Variants in TACC2 observed in about 807,000 individuals in gnomAD.
The protein encoded by TACC2 is transforming acidic coiled-coil-containing protein 2.
A neutral mutation model predicts 227.3 loss-of-function variants in TACC2; 137 were observed. That is an observed-to-expected ratio of 0.60 (90% CI 0.52 to 0.69). The LOEUF is 0.69. TACC2 is among the 30% of genes least tolerant of loss of function. TACC2 has a pLI of 0.00. For missense variants in TACC2, 3,470 were observed against 3,694.4 expected, an observed-to-expected ratio of 0.94 and a Z score of 1.57; for synonymous variants, 1,523 against 1,487.5, an observed-to-expected ratio of 1.02 and a Z score of -0.55.
At chr10:122,128,521 A>C (rs1419988760) in intron 5 of TACC2, among the ~76,000 whole-genome samples, 10 of 152,142 alleles carry the variant, frequency 6.6e-5, no homozygotes, top group African/African-American at 1.7e-4. Context: ...TAATGGACGA[A>C]GCCTGGCCGC....
At chr10:122,198,164 G>A (rs570943948) in intron 8 of TACC2, among the ~76,000 whole-genome samples, 1 of 152,180 alleles carries the variant, frequency 6.6e-6, no homozygotes, top group Admixed American at 6.5e-5. Context: ...AGCGTGTCTG[G>A]GCTCCCTGGG....
At chr10:122,165,816 G>A (rs994746325) in intron 7 of TACC2, among the ~76,000 whole-genome samples, 1 of 152,204 alleles carries the variant, frequency 6.6e-6, no homozygotes, top group African/African-American at 2.4e-5. Context: ...AAAATGGAGA[G>A]AGAGGAAATA....
In TACC2 at chr10:122,200,289, C is replaced by T. The variant is rs114298758; in HGVS notation, c.5971+5113C>T. Among the ~76,000 whole-genome samples, 1,068 of 152,302 alleles carry T rather than the reference C, an allele frequency of 7.0e-3. 16 individuals carry two copies. The highest frequency in any genetic ancestry group is 0.025 in the African/African-American group (1,019 of 41,530). On this transcript the variant is annotated intron_variant, in intron 8 of 22. Transcript: ENST00000369005. Reference sequence around the variant, plus strand: ...CACCAGATCCAAGCCCCGTTCATCCCAGGCTGGAAGGACGATGGAGAGTTT... The same window carrying T: ...CACCAGATCCAAGCCCCGTTCATCCTAGGCTGGAAGGACGATGGAGAGTTT...
intron 7 of TACC2, among the ~76,000 whole-genome samples, chr10:122,170,302 C>T (rs1393935196): frequency 7.8e-6 from 1 of 128,732 alleles, no homozygotes; most frequent in Non-Finnish European, 1.6e-5. Flanking sequence ...TGGAGTCTCA[C>T]TCTGCCCCCC....
rs555704026 is a variant in TACC2, at chr10:122,067,806, C to T, written c.147-14841C>T. ...TAGGCGTGAGCCACTGCCCTGAACA[C>T]CGGCCCTCGCTGTTTCTTATGCTTG... is the stretch of plus-strand genomic sequence containing the variant. On this transcript the variant is annotated intron_variant, in intron 3 of 22. Coordinates refer to ENST00000369005, the MANE Select transcript of TACC2 (RefSeq NM_206862.4). Among the ~76,000 whole-genome samples, 110 of 152,218 alleles carry T rather than the reference C, an allele frequency of 7.2e-4. 6 individuals carry two copies. In the Middle Eastern group the frequency reaches 0.017, roughly 24 times the overall value.
chr10:122,108,818 C>A (rs1038037463), intron 5 of TACC2, among the ~76,000 whole-genome samples: 3 of 151,976 alleles, frequency 2.0e-5, no homozygotes, highest in Non-Finnish European at 4.4e-5. Context: ...ACTGCAGCCT[C>A]TGCCTCCCGG....
intron 7 of TACC2, among the ~76,000 whole-genome samples, chr10:122,159,876 A>T (rs1286177971): frequency 6.6e-6 from 1 of 151,978 alleles, no homozygotes; most frequent in East Asian, 1.9e-4. Context: ...CTGCTATGGC[A>T]ACTGGAGACT....
rs71026005 is a variant in TACC2, at chr10:122,152,999, C to CTTTCTTT, written c.5834+9296_5834+9297insCTTTTTT. Among the ~76,000 whole-genome samples the CTTTCTTT allele has an allele frequency of 5.9e-5, 8 of 135,036 alleles. 1 individual carries two copies. Among genetic ancestry groups the CTTTCTTT allele is most frequent in the African/African-American group, 2.1e-4 (8 of 37,618 alleles). 88.6% of individuals were successfully genotyped at this position (135,036 alleles called of 152,430 possible). A position where few individuals can be genotyped will look rare whatever the true frequency, so the allele number is the denominator to read the frequency against. On this transcript the variant is annotated intron_variant, in intron 7 of 22. Transcript: ENST00000369005. ...GCTTTTGATATATATTTCTTTCTTT[C>CTTTCTTT]TTTTTTTTTTGAGACGGAGTCTCAC...
chr10:122,249,123 C>T lies in TACC2; in HGVS notation c.8627C>T (p.Ala2876Val). 1.2e-6 allele frequency: 2 copies of T among 1,612,870 alleles called. No individual in the cohort carries two copies. Among genetic ancestry groups the T allele is most frequent in the Non-Finnish European group, 1.7e-6 (2 of 1,179,790 alleles). The change falls in exon 21 of 23, where the codon GCC (alanine) becomes GTC (valine). Residue 2876 changes from alanine to valine, a missense_variant. By Grantham distance (64) the Ala-to-Val change is moderately conservative (BLOSUM62 0). Coordinates refer to ENST00000369005, the MANE Select transcript of TACC2 (RefSeq NM_206862.4). ...RVKKEEQRYQ[A>V]LKVHAEEKLD... ...AAGAAGGAGGAGCAGAGGTACCAGG[C>T]CCTGAAGGTGCACGCGGAGGAGAAA...
In TACC2 at chr10:122,084,549, C is replaced by T. The variant is rs756807063; in HGVS notation, c.2049C>T (p.Pro683=). The T allele has an allele frequency of 5.6e-6, 9 of 1,613,570 alleles. No homozygotes were observed. The highest frequency in any genetic ancestry group is 4.5e-5 in the East Asian group (2 of 44,888). The change falls in exon 4 of 23, where the codon CCC becomes CCT. Residue 683 remains proline (P), a synonymous_variant. Transcript: ENST00000369005. Reference sequence around the variant, plus strand: ...ATGGAGCTGGTGAGCCCACTGTTCCCGAAGGAGCCATCTGGGAGGGGTCAG... The same window carrying T: ...ATGGAGCTGGTGAGCCCACTGTTCCTGAAGGAGCCATCTGGGAGGGGTCAG... ...VPDGAGEPTV[P]EGAIWEGSGL... is the part of the protein sequence containing the mutation.
At chr10:122,219,407 A>C (rs2095480702) in intron 11 of TACC2, among the ~76,000 whole-genome samples, 1 of 152,178 alleles carries the variant, frequency 6.6e-6, no homozygotes, top group African/African-American at 2.4e-5. Context: ...ACTAGCTTGT[A>C]TGTTTCCTGA....
At chr10:122,117,094 T>A (rs2084832404) in intron 5 of TACC2, among the ~76,000 whole-genome samples, 1 of 152,002 alleles carries the variant, frequency 6.6e-6, no homozygotes, top group Non-Finnish European at 1.5e-5. Context: ...AGCAGCAAAA[T>A]CAGCATGCTC....
intron 3 of TACC2, among the ~76,000 whole-genome samples, chr10:122,076,576 C>A (rs565623436): frequency 1.3e-5 from 2 of 152,224 alleles, no homozygotes; most frequent in East Asian, 3.9e-4. Flanking sequence ...AATAACAAAT[C>A]ATTCACAGGC....
At chr10:122,101,111 A>C (rs888704437) in intron 5 of TACC2, among the ~76,000 whole-genome samples, 1 of 152,222 alleles carries the variant, frequency 6.6e-6, no homozygotes, top group Non-Finnish European at 1.5e-5. Flanking sequence ...TCTCATTTGC[A>C]GAAGAGATTG....
chr10:122,023,276 C>G (rs1382566556), intron 2 of TACC2: 2 of 152,156 alleles, frequency 1.3e-5, no homozygotes, highest in Admixed American at 6.5e-5. Flanking sequence ...GTGATCCACC[C>G]TTCTCGGCCT....
At chr10:122,074,132 A>G (rs531305502) in intron 3 of TACC2, among the ~76,000 whole-genome samples, 7 of 137,466 alleles carry the variant, frequency 5.1e-5, no homozygotes, top group East Asian at 2.2e-4. Context: ...ACAGGCTGGA[A>G]TGCAGTGGCG....
At chr10:122,123,360 A>C (rs1225912246) in intron 5 of TACC2, among the ~76,000 whole-genome samples, 3 of 152,268 alleles carry the variant, frequency 2.0e-5, no homozygotes, top group African/African-American at 2.4e-5. Context: ...GCCTGCAGGG[A>C]TGCCACAGGC....
At chr10:122,008,363 C>A (rs1433301232) in intron 1 of TACC2, among the ~76,000 whole-genome samples, 4 of 151,242 alleles carry the variant, frequency 2.6e-5, no homozygotes, top group Admixed American at 6.6e-5. Flanking sequence ...CAGGTTCAAG[C>A]GATTCTCCTG....
In TACC2 at chr10:122,054,754, C is replaced by G. The variant is rs563766176; in HGVS notation, c.146+4204C>G. Among the ~76,000 whole-genome samples, 4 of 152,212 alleles carry G rather than the reference C, an allele frequency of 2.6e-5. No homozygotes were observed. The South Asian group carries it at 8.3e-4, about 32-fold the overall frequency. On this transcript the variant is annotated intron_variant, in intron 3 of 22. Coordinates refer to ENST00000369005, the MANE Select transcript of TACC2 (RefSeq NM_206862.4). ...GAGTGATTTCTAGCTGAATTCCCGG[C>G]GCCTTTGGTTTCTGACCACAGTGCT... is the stretch of plus-strand genomic sequence containing the variant.
Sources: gnomAD v4.1 joint callset for allele counts (sites outside exome capture counted in the v4.1 genomes callset) on GRCh38, gnomAD v4.1.1 for gene constraint, MANE v1.5 for transcripts, NCBI Gene and HGNC (gene_info 2026-07-23, HGNC 2026-07-21) for gene names.